MNAT1: variants seen among roughly 807,000 people sequenced by gnomAD.
The protein encoded by MNAT1 is CDK-activating kinase assembly factor MAT1.
In MNAT1, 43 loss-of-function variants were observed where a neutral mutation model predicts 42.0. The ratio of observed to expected loss-of-function variants is 1.02; its 90% confidence interval spans 0.80 to 1.32. The LOEUF (loss-of-function observed/expected upper bound fraction) is 1.32, where lower values mean the gene tolerates loss of function less well. Among genes scored for constraint, MNAT1 ranks in the 40% most tolerant of loss-of-function variants. The probability of loss-of-function intolerance (pLI) is 0.00; values close to 1 mark genes in which losing one functional copy is unlikely to be tolerated. For missense variants in MNAT1, 306 were observed against 350.4 expected, an observed-to-expected ratio of 0.87 and a Z score of 1.01; for synonymous variants, 118 against 120.0, an observed-to-expected ratio of 0.98 and a Z score of 0.11.
chr14:60,868,225 A>C lies in MNAT1; in HGVS notation c.688-11489A>C, dbSNP rs145042897. Among the ~76,000 whole-genome samples the C allele has an allele frequency of 2.5e-3, 388 of 152,306 alleles. 1 individual carries two copies. Among genetic ancestry groups the C allele is most frequent in the Non-Finnish European group, 3.0e-3 (207 of 68,008 alleles). On this transcript the variant is annotated intron_variant, in intron 6 of 7. Transcript: ENST00000261245. ...TTCACATCCATATACATATGTACAA[A>C]TAGACATATATGTATGTGTATATAC...
intron 7 of MNAT1, among the ~76,000 whole-genome samples, chr14:60,904,541 T>G (rs913483): frequency 0.94 from 143,387 of 152,184 alleles, 67,867 homozygotes; most frequent in Non-Finnish European, 0.99. Flanking sequence ...TGTCAAACAA[T>G]CTTCTTTCAT....
chr14:60,779,844 ACT>A, intron 1 of MNAT1: 1 of 617,424 alleles, frequency 1.6e-6, no homozygotes, highest in Non-Finnish European at 2.9e-6. Context: ...GAGTGAACTT[ACT>A]CTAAGAAGCA....
At chr14:60,817,480 A>T (rs955712525) in intron 5 of MNAT1, among the ~76,000 whole-genome samples, 2 of 152,040 alleles carry the variant, frequency 1.3e-5, no homozygotes, top group Non-Finnish European at 2.9e-5. Flanking sequence ...AAAAGTTTTA[A>T]ACTTTGTAAC....
chr14:60,766,531 G>A (rs1288506010), intron 1 of MNAT1, among the ~76,000 whole-genome samples: 1 of 151,928 alleles, frequency 6.6e-6, no homozygotes, highest in Non-Finnish European at 1.5e-5. Flanking sequence ...GGCCAACATG[G>A]TGAAACTCCA....
intron 6 of MNAT1, among the ~76,000 whole-genome samples, chr14:60,823,487 T>A (rs2032962972): frequency 6.6e-6 from 1 of 152,248 alleles, no homozygotes; most frequent in Admixed American, 6.5e-5. Context: ...TCTGAATGTC[T>A]TTCTCTGAGT....
chr14:60,845,410 A>G (rs1167729679), intron 6 of MNAT1, among the ~76,000 whole-genome samples: 1 of 152,026 alleles, frequency 6.6e-6, no homozygotes, highest in East Asian at 1.9e-4. Context: ...TAATTCTTTA[A>G]ATGCCTATAA....
At chr14:60,842,333 T>G (rs2033574225) in intron 6 of MNAT1, among the ~76,000 whole-genome samples, 1 of 152,236 alleles carries the variant, frequency 6.6e-6, no homozygotes. Context: ...CTGCAAATTA[T>G]AGCTGCCCTG....
intron 1 of MNAT1, among the ~76,000 whole-genome samples, chr14:60,763,433 C>T (rs1158151180): frequency 6.6e-6 from 1 of 151,978 alleles, no homozygotes; most frequent in Non-Finnish European, 1.5e-5. Flanking sequence ...ATATCTAGTC[C>T]ATATTTTTAT....
At chr14:60,792,941 T>A (rs994727826) in intron 1 of MNAT1, among the ~76,000 whole-genome samples, 1 of 152,190 alleles carries the variant, frequency 6.6e-6, no homozygotes, top group African/African-American at 2.4e-5. Flanking sequence ...GGCAAAAGAT[T>A]GCCCATATAC....
intron 7 of MNAT1, among the ~76,000 whole-genome samples, chr14:60,895,281 A>G (rs2034929227): frequency 6.6e-6 from 1 of 152,182 alleles, no homozygotes; most frequent in Non-Finnish European, 1.5e-5. Flanking sequence ...CTAAAAATAT[A>G]TTTTTACCTA....
At chr14:60,809,389 C>T (rs2032476011) in intron 4 of MNAT1, among the ~76,000 whole-genome samples, 1 of 152,056 alleles carries the variant, frequency 6.6e-6, no homozygotes, top group Non-Finnish European at 1.5e-5. Context: ...TCATAGCTAG[C>T]CTAGCTTTCT....
At chr14:60,861,427 A>G (rs2034092071) in intron 6 of MNAT1, among the ~76,000 whole-genome samples, 1 of 152,208 alleles carries the variant, frequency 6.6e-6, no homozygotes, top group Non-Finnish European at 1.5e-5. Context: ...TTTCTTTGTT[A>G]AGGGAAGACA....
At chr14:60,946,347 A>G (rs1198672240) in intron 7 of MNAT1, among the ~76,000 whole-genome samples, 1 of 152,138 alleles carries the variant, frequency 6.6e-6, no homozygotes, top group African/African-American at 2.4e-5. Context: ...CACCAAACCT[A>G]GTGGAATTTG....
chr14:60,908,143 G>C (rs2035253960), intron 7 of MNAT1, among the ~76,000 whole-genome samples: 1 of 151,980 alleles, frequency 6.6e-6, no homozygotes, highest in Admixed American at 6.6e-5. Flanking sequence ...TCCATTTTGT[G>C]CTTATAAATT....
chr14:60,901,152 T>C (rs940302491), intron 7 of MNAT1, among the ~76,000 whole-genome samples: 7 of 151,710 alleles, frequency 4.6e-5, no homozygotes, highest in Non-Finnish European at 1.0e-4. Context: ...ATTTTGAAAA[T>C]TGTAGGGCCC....
chr14:60,891,976 GT>G (rs1258141370), intron 7 of MNAT1, among the ~76,000 whole-genome samples: 1 of 151,666 alleles, frequency 6.6e-6, no homozygotes, highest in African/African-American at 2.4e-5. Context: ...TCCATTATTG[GT>G]TGCTAACCTC....
At chr14:60,745,076 C>T (rs1029290148) in intron 1 of MNAT1, among the ~76,000 whole-genome samples, 1 of 152,216 alleles carries the variant, frequency 6.6e-6, no homozygotes, top group South Asian at 2.1e-4. Context: ...AACTACCCTG[C>T]ATTCTGATCT....
At chr14:60,924,434 G>A (rs1287284493) in intron 7 of MNAT1, among the ~76,000 whole-genome samples, 8 of 148,830 alleles carry the variant, frequency 5.4e-5, no homozygotes, top group Non-Finnish European at 1.2e-4. Context: ...TAGCAAAACT[G>A]TGATATAGAT....
intron 1 of MNAT1, among the ~76,000 whole-genome samples, chr14:60,762,510 C>T (rs2030644535): frequency 6.6e-6 from 1 of 151,844 alleles, no homozygotes; most frequent in Non-Finnish European, 1.5e-5. Context: ...GTCATCTCTA[C>T]TAAATGACAT....
Sources: gnomAD v4.1 joint callset for allele counts (sites outside exome capture counted in the v4.1 genomes callset) on GRCh38, gnomAD v4.1.1 for gene constraint, MANE v1.5 for transcripts, NCBI Gene and HGNC (gene_info 2026-07-23, HGNC 2026-07-21) for gene names.